CERS1: variants seen among roughly 807,000 people sequenced by gnomAD.
CERS1 encodes the protein Embryonic growth/differentiation factor 1.
A neutral mutation model predicts 35.7 loss-of-function variants in CERS1; 16 were observed. That is an observed-to-expected ratio of 0.45 (90% CI 0.30 to 0.68). The LOEUF (loss-of-function observed/expected upper bound fraction) is 0.68. Among genes scored for constraint, CERS1 ranks in the 30% least tolerant of loss-of-function variants. CERS1 has a pLI of 0.08. For missense variants in CERS1, 454 were observed against 453.9 expected, an observed-to-expected ratio of 1.00 and a Z score of 0.00; for synonymous variants, 243 against 201.6, an observed-to-expected ratio of 1.21 and a Z score of -1.74.
rs1417757274 is a variant in CERS1 at position 18,868,803 on chromosome 19, C to T, written c.*1182G>A. ...GGCGGCCCCCCGGACCCCGACAGCG[C>T]GACGGGCAGCGCGCACTGACCCTGG... is the stretch of plus-strand genomic sequence containing the variant. On this transcript the variant is annotated 3_prime_UTR_variant, in exon 8 of 8. Transcript: ENST00000623882. The T allele has an allele frequency of 2.1e-6, 3 of 1,455,590 alleles. No homozygotes were observed. The highest frequency in any genetic ancestry group is 2.7e-6 in the Non-Finnish European group (3 of 1,093,604). 90.2% of individuals were successfully genotyped at this position (1,455,590 alleles called of 1,614,324 possible).
At chr19:18,873,841 G>GAAA (rs35266368) in intron 6 of CERS1, among the ~76,000 whole-genome samples, 2 of 116,828 alleles carry the variant, frequency 1.7e-5, no homozygotes, top group Admixed American at 9.2e-5. Context: ...ACTCTGTCTC[G>GAAA]AAAAAAAAAA....
chr19:18,892,804 G>A (rs867271278), intron 2 of CERS1, among the ~76,000 whole-genome samples: 20 of 152,164 alleles, frequency 1.3e-4, no homozygotes, highest in East Asian at 3.9e-4. Flanking sequence ...GCTCCAACAC[G>A]GCCAGATACC....
At chr19:18,877,185 T>A (rs1176163389) in intron 6 of CERS1, among the ~76,000 whole-genome samples, 4 of 152,152 alleles carry the variant, frequency 2.6e-5, no homozygotes, top group Non-Finnish European at 4.4e-5. Flanking sequence ...CTGTACAGGG[T>A]GCATGCTTTG....
At chr19:18,871,094 CTT>C (rs760333836) in intron 6 of CERS1, among the ~76,000 whole-genome samples, 7 of 145,032 alleles carry the variant, frequency 4.8e-5, no homozygotes, top group Non-Finnish European at 6.1e-5. Context: ...TTTTATTTTC[CTT>C]TTTTTTTTTT....
In CERS1 at chr19:18,878,431, T is replaced by C; in HGVS notation, c.1010+499A>G. 2.0e-6 allele frequency: 2 copies of C among 990,074 alleles called. No homozygotes were observed. The highest frequency in any genetic ancestry group is 2.4e-6 in the Non-Finnish European group (2 of 832,600). 61.3% of individuals were successfully genotyped at this position (990,074 alleles called of 1,614,324 possible). A position where few individuals can be genotyped will look rare whatever the true frequency, so the allele number is the denominator to read the frequency against. Reference sequence around the variant, plus strand: ...AGTCTGAGCTCCCAGCCCCAGCTCCTGTTTGGCCGGGCAGTGGGCTCCCCT... The same window carrying C: ...AGTCTGAGCTCCCAGCCCCAGCTCCCGTTTGGCCGGGCAGTGGGCTCCCCT... On this transcript the variant is annotated intron_variant, in intron 6 of 7. Coordinates refer to ENST00000623882, the MANE Select transcript of CERS1 (RefSeq NM_021267.5). This position sits in a 1 kb window ranked among gnomAD's most constrained non-coding sequence, Gnocchi z 4.6.
In CERS1 at chr19:18,879,056, G is replaced by T. The variant is rs772333294; in HGVS notation, c.901-17C>A. ...CACGATGTACTGCGAGAGGGGAGGG[G>T]AGGTGCCAGTGAGAAGAAAGCCCCC... On this transcript the variant is annotated splice_polypyrimidine_tract_variant and intron_variant, in intron 5 of 7. Transcript: ENST00000623882. The T allele has an allele frequency of 6.2e-7, 1 of 1,612,028 alleles. No homozygotes were observed. Among genetic ancestry groups the T allele is most frequent in the Non-Finnish European group, 8.5e-7 (1 of 1,179,476 alleles).
Position 18,878,802 on chromosome 19 carries a change from A to G in CERS1, c.1010+128T>C. Reference sequence around the variant, plus strand: ...GCCTTTATTGCAGTCTCTGTTTTGGAGTAGGCTTGGGGGGCAGCATCCGCG... The same window carrying G: ...GCCTTTATTGCAGTCTCTGTTTTGGGGTAGGCTTGGGGGGCAGCATCCGCG... On this transcript the variant is annotated intron_variant, in intron 6 of 7. Coordinates refer to ENST00000623882, the MANE Select transcript of CERS1 (RefSeq NM_021267.5). This position sits in a 1 kb window ranked among gnomAD's most constrained non-coding sequence, Gnocchi z 4.6. 2 of 1,478,730 alleles carry G rather than the reference A, an allele frequency of 1.4e-6. No individual in the cohort carries two copies. The highest frequency in any genetic ancestry group is 2.5e-5 in the East Asian group (1 of 40,124). 91.6% of individuals were successfully genotyped at this position (1,478,730 alleles called of 1,614,324 possible). A position where few individuals can be genotyped will look rare whatever the true frequency, so the allele number is the denominator to read the frequency against.
At position 18,876,509 on chromosome 19, in the gene CERS1, TTTTTG is replaced by T. The variant is rs1297037794; in HGVS notation, c.1010+2416_1010+2420del. Among the ~76,000 whole-genome samples the T allele has an allele frequency of 9.3e-4, 139 of 149,778 alleles. 1 individual carries two copies. Among genetic ancestry groups the T allele is most frequent in the African/African-American group, 2.8e-3 (113 of 40,554 alleles). On this transcript the variant is annotated intron_variant, in intron 6 of 7. Coordinates refer to ENST00000623882, the MANE Select transcript of CERS1 (RefSeq NM_021267.5). Reference sequence around the variant, plus strand: ...GGTGTGTGCCACAACACATGGCTGTTTTTTGTTTTGTTTTGTTTTGATTGGGTTGT... The same window carrying T: ...GGTGTGTGCCACAACACATGGCTGTTTTTTGTTTTGTTTTGATTGGGTTGT...
At position 18,878,367 on chromosome 19, in the gene CERS1, G is replaced by A; in HGVS notation, c.1010+563C>T. On this transcript the variant is annotated intron_variant, in intron 6 of 7. Transcript: ENST00000623882. The surrounding 1 kb of genome is among the most constrained non-coding windows in gnomAD (Gnocchi z 4.6). ...CACCCAGGGCTGGTGAGGCTCGTGGGCTATCTCCTTCCCCAGGACTCCCAC... is the reference window on the plus strand; with the variant it reads ...CACCCAGGGCTGGTGAGGCTCGTGGACTATCTCCTTCCCCAGGACTCCCAC... The A allele has an allele frequency of 3.0e-6, 3 of 986,718 alleles. No homozygotes were observed. The highest frequency in any genetic ancestry group is 3.6e-6 in the Non-Finnish European group (3 of 830,988). The allele number at this position is 986,718 out of a possible 1,614,324, so 61.1% of individuals were successfully genotyped here.
At chr19:18,893,690 C>T in intron 1 of CERS1, 115 bp from the exon 2 acceptor site, 2 of 1,090,866 alleles carry the variant, frequency 1.8e-6, no homozygotes, top group South Asian at 3.1e-5. Context: ...CTGGGAAGGC[C>T]TGTCCCCCAT....
In CERS1 at chr19:18,870,674, CCT is replaced by C. The variant is rs1278793186; in HGVS notation, c.1011-57_1011-56del. ...TGGGAGCCCCACGCGGCCGCCTGGC[CCT>C]CTTTCCCGCTTCTTCTCTGGCCGTT... On this transcript the variant is annotated intron_variant, in intron 6 of 7. Transcript: ENST00000623882. The surrounding 1 kb of genome is among the most constrained non-coding windows in gnomAD (Gnocchi z 5.1). The C allele has an allele frequency of 2.0e-6, 1 of 511,780 alleles. No individual in the cohort carries two copies. Among genetic ancestry groups the C allele is most frequent in the Non-Finnish European group, 3.5e-6 (1 of 282,736 alleles). The allele number at this position is 511,780 out of a possible 1,614,324, so 31.7% of individuals were successfully genotyped here.
chr19:18,887,172 T>A (rs1475474211), intron 2 of CERS1, among the ~76,000 whole-genome samples: 1 of 152,102 alleles, frequency 6.6e-6, no homozygotes, highest in Non-Finnish European at 1.5e-5. Flanking sequence ...TATGCAGCCA[T>A]GAAAAAGAAT....
chr19:18,895,814 C>A lies in CERS1; in HGVS notation c.249+10G>T, dbSNP rs1319439465. The stretch of plus-strand genomic sequence containing the variant: ...GGGGTCCCCTCGTCCCGGCCCCCGG[C>A]CACACTGACCCGAAAGAGGCGCGCA... On this transcript the variant is annotated intron_variant, in intron 1 of 7. Transcript: ENST00000623882. The surrounding 1 kb of genome is among the most constrained non-coding windows in gnomAD (Gnocchi z 6.4). 4.0e-6 allele frequency: 5 copies of A among 1,252,230 alleles called. No homozygotes were observed. The African/African-American group carries it at 8.0e-5, about 20-fold the overall frequency. The allele number at this position is 1,252,230 out of a possible 1,614,324, so 77.6% of individuals were successfully genotyped here.
intron 6 of CERS1, among the ~76,000 whole-genome samples, chr19:18,871,094 C>CT (rs760333836): frequency 0.011 from 1,643 of 145,098 alleles, 24 homozygotes; most frequent in African/African-American, 0.034. Context: ...TTTTATTTTC[C>CT]TTTTTTTTTT....
chr19:18,870,017 G>A lies in CERS1; in HGVS notation c.*560C>T. The A allele has an allele frequency of 6.3e-7, 1 of 1,596,872 alleles. No homozygotes were observed. The highest frequency in any genetic ancestry group is 8.5e-7 in the Non-Finnish European group (1 of 1,173,762). Reference sequence around the variant, plus strand: ...GGATGTGGCGCACGATGTTTCCGGCGACCCCCAGCTCCTCCACGTGGCACG... The same window carrying A: ...GGATGTGGCGCACGATGTTTCCGGCAACCCCCAGCTCCTCCACGTGGCACG... On this transcript the variant is annotated 3_prime_UTR_variant, in exon 7 of 8. Coordinates refer to ENST00000623882, the MANE Select transcript of CERS1 (RefSeq NM_021267.5). This position sits in a 1 kb window ranked among gnomAD's most constrained non-coding sequence, Gnocchi z 5.1.
intron 6 of CERS1, among the ~76,000 whole-genome samples, chr19:18,872,161 G>A (rs558797117): frequency 1.3e-5 from 2 of 152,178 alleles, no homozygotes; most frequent in Non-Finnish European, 2.9e-5. Flanking sequence ...TAGCATCCTC[G>A]GTGATGGGTG....
Position 18,870,714 on chromosome 19 carries a change from G to T in CERS1, c.1011-95C>A, listed in dbSNP as rs956187216. The T allele has an allele frequency of 1.2e-5, 6 of 480,686 alleles. No individual in the cohort carries two copies. The South Asian group carries it at 2.2e-4, about 18-fold the overall frequency. 29.8% of individuals were successfully genotyped at this position (480,686 alleles called of 1,614,324 possible). A position where few individuals can be genotyped will look rare whatever the true frequency, so the allele number is the denominator to read the frequency against. Reference sequence around the variant, plus strand: ...TTCTCTGGCCGTTTCACACCCCCTGGCTCCTTTTACCCGGCCAGGCCCGGG... The same window carrying T: ...TTCTCTGGCCGTTTCACACCCCCTGTCTCCTTTTACCCGGCCAGGCCCGGG... On this transcript the variant is annotated intron_variant, in intron 6 of 7. Transcript: ENST00000623882. This position sits in a 1 kb window ranked among gnomAD's most constrained non-coding sequence, Gnocchi z 5.1.
At chr19:18,882,239 C>T (rs564090817) in intron 3 of CERS1, among the ~76,000 whole-genome samples, 6 of 152,294 alleles carry the variant, frequency 3.9e-5, no homozygotes, top group African/African-American at 1.4e-4. Context: ...TGTTCTAAAC[C>T]TGTACTGTCC....
chr19:18,882,663 G>A (rs2056241852), intron 3 of CERS1, among the ~76,000 whole-genome samples: 1 of 150,194 alleles, frequency 6.7e-6, no homozygotes, highest in Non-Finnish European at 1.5e-5. Context: ...AAATAAATAA[G>A]ATAAAGTAAT....
Sources: gnomAD v4.1 joint callset for allele counts (sites outside exome capture counted in the v4.1 genomes callset) on GRCh38, gnomAD v4.1.1 for gene constraint, Gnocchi (gnomAD v3.1) non-coding constraint, MANE v1.5 for transcripts, NCBI Gene and HGNC (gene_info 2026-07-23, HGNC 2026-07-21) for gene names.